Variants in MAPK8IP3 observed in about 807,000 individuals in gnomAD.
MAPK8IP3 encodes the protein C-Jun-amino-terminal kinase-interacting protein 3.
A neutral mutation model predicts 157.8 loss-of-function variants in MAPK8IP3; 49 were observed. The ratio of observed to expected loss-of-function variants is 0.31; its 90% confidence interval spans 0.25 to 0.39. The LOEUF is 0.39. Among genes scored for constraint, MAPK8IP3 ranks in the 10% least tolerant of loss-of-function variants. The pLI is 1.00. For synonymous variants in MAPK8IP3, 897 were observed against 777.7 expected (o/e 1.15, Z -2.55); for missense variants, 1,478 against 1,889.4 (o/e 0.78, Z 4.04).
rs772193517 is a variant in MAPK8IP3 at position 1,762,948 on chromosome 16, A to G, written c.1840A>G (p.Asn614Asp). 1 of 1,612,952 alleles carries G rather than the reference A, an allele frequency of 6.2e-7. No individual in the cohort carries two copies. The highest frequency in any genetic ancestry group is 8.5e-7 in the Non-Finnish European group (1 of 1,179,974). ...CACTGCCGGCTTCAGCCAGCGCCGC[A>G]ACCATGCCATGTGCCCGATCTCGGC... ...PTTAGFSQRR[N>D]HAMCPISAGS... The change falls in exon 16 of 32, where the codon AAC becomes GAC. Residue 614 changes from asparagine (N) to aspartate (D), a missense_variant. By Grantham distance (23) the Asn-to-Asp change is conservative. Transcript: ENST00000610761.
In MAPK8IP3 at chr16:1,737,009, C is replaced by T. The variant is rs1267790881; in HGVS notation, c.603-6323C>T. 5.2e-5 allele frequency among the ~76,000 whole-genome samples: 3 copies of T among 58,052 alleles called. 1 individual carries two copies. Among genetic ancestry groups the T allele is most frequent in the African/African-American group, 6.8e-5 (1 of 14,752 alleles). 38.1% of individuals were successfully genotyped at this position (58,052 alleles called of 152,430 possible). ...GCATCCGTGTGAGCGTGTGACCGTCCGTGTGAGAGTGTGACCATCCATGTG... is the reference window on the plus strand; with the variant it reads ...GCATCCGTGTGAGCGTGTGACCGTCTGTGTGAGAGTGTGACCATCCATGTG... On this transcript the variant is annotated intron_variant, in intron 4 of 31. Transcript: ENST00000610761.
chr16:1,768,371 G>A lies in MAPK8IP3; in HGVS notation c.3735G>A (p.Ser1245=), dbSNP rs367836756. Residue 1245 remains serine (S), a synonymous_variant, in exon 30 of 32, where the codon TCG becomes TCA. Transcript: ENST00000610761. ...GHRDAVKFFV[S]VPGNVLATLN... ...GCGATGCCGTGAAGTTCTTTGTCTC[G>A]GTGCCAGGTGAGGCTGGGCCCCTCC... 382 of 1,600,284 alleles carry A rather than the reference G, an allele frequency of 2.4e-4. No individual in the cohort carries two copies. Among genetic ancestry groups the A allele is most frequent in the African/African-American group, 2.8e-4 (21 of 74,908 alleles).
intron 2 of MAPK8IP3, among the ~76,000 whole-genome samples, chr16:1,728,263 C>T (rs1314787002): frequency 2.0e-5 from 3 of 152,214 alleles, no homozygotes; most frequent in African/African-American, 7.2e-5. Context: ...TTAAGGGAGA[C>T]ATGACTGTCA....
rs781635577 is a variant in MAPK8IP3, at chr16:1,764,072, G to T, written c.2026-43G>T. 5.9e-6 allele frequency: 9 copies of T among 1,529,604 alleles called. No individual in the cohort carries two copies. In the Admixed American group the frequency reaches 1.6e-4, roughly 28 times the overall value. The allele number at this position is 1,529,604 out of a possible 1,614,324, so 94.8% of individuals were successfully genotyped here. ...TCTCAGATTTCTGGAGGGATGGGTAGGAGCCAGGGTTCGTGCCCACGGCGC... is the reference window on the plus strand; with the variant it reads ...TCTCAGATTTCTGGAGGGATGGGTATGAGCCAGGGTTCGTGCCCACGGCGC... On this transcript the variant is annotated intron_variant, in intron 17 of 31. Transcript: ENST00000610761.
intron 8 of MAPK8IP3, among the ~76,000 whole-genome samples, chr16:1,750,569 A>G (rs557157854): frequency 6.6e-6 from 1 of 152,040 alleles, no homozygotes; most frequent in Admixed American, 6.5e-5. Flanking sequence ...ATATATGCTT[A>G]TAATAATATT....
At chr16:1,739,817 TGTGA>T (rs2040520864) in intron 4 of MAPK8IP3, among the ~76,000 whole-genome samples, 1 of 120,856 alleles carries the variant, frequency 8.3e-6, no homozygotes, top group African/African-American at 3.2e-5. Context: ...CGTGTGAGCG[TGTGA>T]GCATCCGTGT....
chr16:1,750,082 T>C (rs2041202909), intron 8 of MAPK8IP3, among the ~76,000 whole-genome samples: 1 of 152,196 alleles, frequency 6.6e-6, no homozygotes, highest in South Asian at 2.1e-4. Context: ...ACTTTTCTCA[T>C]GTGTTGCAAA....
intron 1 of MAPK8IP3, among the ~76,000 whole-genome samples, chr16:1,717,167 C>T (rs1165039805): frequency 6.9e-5 from 10 of 144,314 alleles, no homozygotes; most frequent in African/African-American, 2.6e-4. Flanking sequence ...ACCCAGGAGG[C>T]GGAGGTTGCA....
chr16:1,716,458 T>C (rs113174759), intron 1 of MAPK8IP3, among the ~76,000 whole-genome samples: 17,456 of 151,650 alleles, frequency 0.12, 1,411 homozygotes, highest in African/African-American at 0.23. Flanking sequence ...CCACCACGCC[T>C]GGCTAATTTT....
In MAPK8IP3 at chr16:1,760,481, C is replaced by G; in HGVS notation, c.1406C>G (p.Ala469Gly). Reference sequence around the variant, plus strand: ...GGCGAGTTGGAGGCTGCTAAGCAGGCCAAAGTCAAGCTGGAAAACCGTATC... The same window carrying G: ...GGCGAGTTGGAGGCTGCTAAGCAGGGCAAAGTCAAGCTGGAAAACCGTATC... ...LRGELEAAKQ[A>G]KVKLENRIKE... Residue 469 changes from alanine to glycine, a missense_variant, in exon 12 of 32, where the codon GCC (alanine) becomes GGC (glycine). Around this residue, in one of 11 missense-constraint regions of MAPK8IP3, gnomAD observed 96 missense variants for 106.3 expected, o/e 0.90. Transcript: ENST00000610761. The G allele has an allele frequency of 6.2e-7, 1 of 1,613,760 alleles. No homozygotes were observed.
At chr16:1,739,073 A>AGC (rs2040379956) in intron 4 of MAPK8IP3, among the ~76,000 whole-genome samples, 1 of 105,732 alleles carries the variant, frequency 9.5e-6, no homozygotes, top group Admixed American at 1.1e-4. Flanking sequence ...CGTCCGTGTG[A>AGC]GTGTGACCAT....
At chr16:1,762,603 G>T (rs924992954) in intron 14 of MAPK8IP3, 72 bp from the exon 15 acceptor site, 2 of 1,546,376 alleles carry the variant, frequency 1.3e-6, no homozygotes, top group East Asian at 4.5e-5. Flanking sequence ...GCTTCCTGGC[G>T]GGAGCCAGAG....
chr16:1,708,384 C>G (rs1370433649), intron 1 of MAPK8IP3, among the ~76,000 whole-genome samples: 1 of 152,258 alleles, frequency 6.6e-6, no homozygotes, highest in Admixed American at 6.5e-5. Flanking sequence ...CTCCACTGCT[C>G]TCCCACACTC....
intron 7 of MAPK8IP3, 91 bp downstream of exon 7, chr16:1,748,437 G>T: frequency 8.0e-7 from 1 of 1,249,170 alleles, no homozygotes; most frequent in South Asian, 1.2e-5. Flanking sequence ...CCACCACTGG[G>T]AGAACCATCA....
chr16:1,753,922 C>G (rs1489210733), intron 8 of MAPK8IP3, among the ~76,000 whole-genome samples: 2 of 151,646 alleles, frequency 1.3e-5, no homozygotes, highest in African/African-American at 4.8e-5. Context: ...GCCTATAATC[C>G]CAGCACTCTG....
chr16:1,722,314 G>C (rs1450885477), intron 1 of MAPK8IP3, among the ~76,000 whole-genome samples: 1 of 152,128 alleles, frequency 6.6e-6, no homozygotes, highest in African/African-American at 2.4e-5. Flanking sequence ...CGCCTCTGTG[G>C]TTTTCTGCCC....
rs780990337 is a variant in MAPK8IP3 at position 1,761,245 on chromosome 16, C to T, written c.1479C>T (p.Ile493=). Residue 493 remains isoleucine, a synonymous_variant, in exon 13 of 32, where the codon ATC becomes ATT. Coordinates refer to ENST00000610761, the MANE Select transcript of MAPK8IP3 (RefSeq NM_001318852.2). The part of the protein sequence containing the change: ...ELKRVKSEAI[I]ARREPKEEAE... ...ACAGAGTGAAGTCCGAGGCCATCAT[C>T]GCCCGCCGTGAACCCAAAGAAGAGG... is the stretch of plus-strand genomic sequence containing the variant. 23 of 1,613,562 alleles carry T rather than the reference C, an allele frequency of 1.4e-5. No individual in the cohort carries two copies. In the East Asian group the frequency reaches 1.8e-4, roughly 13 times the overall value.
chr16:1,766,537 G>T lies in MAPK8IP3; in HGVS notation c.2828G>T (p.Gly943Val), dbSNP rs534746986. The T allele has an allele frequency of 1.6e-5, 26 of 1,611,720 alleles. No individual in the cohort carries two copies. The highest frequency in any genetic ancestry group is 3.3e-4 in the Middle Eastern group (2 of 6,054). Reference protein sequence around the residue: ...SSGPQPGSENGPEPDSSSTRP... With the variant: ...SSGPQPGSENVPEPDSSSTRP... The stretch of plus-strand genomic sequence containing the variant: ...CACCGTTCTTCCTGCAGCGAGAACG[G>T]GCCAGAGCCTGACAGCAGCAGCACA... The change falls in exon 23 of 32, where the codon GGG (glycine) becomes GTG (valine). Residue 943 changes from glycine (G) to valine (V), a missense_variant. Gly to Val is a moderately radical substitution (Grantham distance 109). Around this residue, in one of 11 missense-constraint regions of MAPK8IP3, gnomAD observed 669 missense variants for 759.8 expected, o/e 0.88. Coordinates refer to ENST00000610761, the MANE Select transcript of MAPK8IP3 (RefSeq NM_001318852.2).
intron 1 of MAPK8IP3, chr16:1,707,123 C>T (rs1444407274): frequency 6.2e-6 from 1 of 162,218 alleles, no homozygotes; most frequent in Non-Finnish European, 1.3e-5. Flanking sequence ...CGTTTCCCGA[C>T]CCCAAGTGCT....
Sources: allele counts gnomAD v4.1 joint callset (sites outside exome capture counted in the v4.1 genomes callset), GRCh38; gene constraint gnomAD v4.1.1; regional missense constraint gnomAD v4.1.1; transcripts MANE v1.5; gene names NCBI Gene and HGNC (gene_info 2026-07-23, HGNC 2026-07-21).